ATL3: variants seen among roughly 807,000 people sequenced by gnomAD.
The protein encoded by ATL3 is atlastin GTPase 3, also known as atlastin-3.
In ATL3, 49 loss-of-function variants were observed where a neutral mutation model predicts 69.5. The ratio of observed to expected loss-of-function variants is 0.71; its 90% confidence interval spans 0.56 to 0.89. The LOEUF (loss-of-function observed/expected upper bound fraction) is 0.89. Among genes scored for constraint, ATL3 ranks in the 40% least tolerant of loss-of-function variants. The probability of loss-of-function intolerance (pLI) is 0.00; values close to 1 mark genes in which losing one functional copy is unlikely to be tolerated. For missense variants in ATL3, 606 were observed against 645.7 expected, an observed-to-expected ratio of 0.94 and a Z score of 0.67; for synonymous variants, 214 against 224.1, an observed-to-expected ratio of 0.95 and a Z score of 0.40.
intron 1 of ATL3, among the ~76,000 whole-genome samples, chr11:63,660,331 C>A (rs1241387927): frequency 2.0e-5 from 3 of 152,130 alleles, no homozygotes; most frequent in African/African-American, 7.2e-5. Context: ...ACTTCCATAT[C>A]ATTACTTAAC....
In ATL3 at chr11:63,652,098, C is replaced by A; in HGVS notation, c.511-112G>T. ...ACAATTAAAGACTTGCATATAAGAA[C>A]ATGAGGCCTGTTCAAACAGCAATAT... is the stretch of plus-strand genomic sequence containing the variant. On this transcript the variant is annotated intron_variant, in intron 4 of 12. Coordinates refer to ENST00000398868, the MANE Select transcript of ATL3 (RefSeq NM_015459.5). 4 of 1,470,986 alleles carry A rather than the reference C, an allele frequency of 2.7e-6. No homozygotes were observed. The South Asian group carries it at 5.6e-5, about 21-fold the overall frequency. The allele number at this position is 1,470,986 out of a possible 1,614,324, so 91.1% of individuals were successfully genotyped here. A position where few individuals can be genotyped will look rare whatever the true frequency, so the allele number is the denominator to read the frequency against.
chr11:63,636,199 A>AT lies in ATL3; in HGVS notation c.978+7dup, dbSNP rs528012262. Reference sequence around the variant, plus strand: ...TCAAACATTTTAATAACTAAAACCCATATTTACCTTAAAATACTCCAGTAG... The same window carrying AT: ...TCAAACATTTTAATAACTAAAACCCATTATTTACCTTAAAATACTCCAGTAG... On this transcript the variant is annotated splice_region_variant and intron_variant, in intron 9 of 12. Transcript: ENST00000398868. 15,366 of 1,610,820 alleles carry AT rather than the reference A, an allele frequency of 9.5e-3. 92 individuals carry two copies. The highest frequency in any genetic ancestry group is 0.012 in the Non-Finnish European group (13,836 of 1,179,086).
At chr11:63,652,104 G>C (rs923202598) in intron 4 of ATL3, 118 bp from the exon 5 acceptor site, 44 of 1,457,016 alleles carry the variant, frequency 3.0e-5, no homozygotes, top group Middle Eastern at 2.2e-4. Flanking sequence ...AGAACATGAG[G>C]CCTGTTCAAA....
chr11:63,656,915 C>T (rs1940269195), intron 3 of ATL3, among the ~76,000 whole-genome samples: 1 of 151,750 alleles, frequency 6.6e-6, no homozygotes, highest in African/African-American at 2.4e-5. Context: ...TCCAGCACTT[C>T]AAAATATCAA....
At chr11:63,651,785 C>T (rs909058868) in intron 5 of ATL3, 151 bp downstream of exon 5, 2 of 1,167,686 alleles carry the variant, frequency 1.7e-6, no homozygotes, top group Non-Finnish European at 2.2e-6. Context: ...CTCCACCCCA[C>T]CAATGGCTAT....
In ATL3 at chr11:63,659,248, A is replaced by G. The variant is rs766913798; in HGVS notation, c.51T>C (p.Asp17=). 1 of 1,613,882 alleles carries G rather than the reference A, an allele frequency of 6.2e-7. No individual in the cohort carries two copies. Among genetic ancestry groups the G allele is most frequent in the Non-Finnish European group, 8.5e-7 (1 of 1,179,766 alleles). ...GACCAGGCTTGCTGCTCTCCATGGC[A>G]TCATCTATGTTCATGCAGAGAAAAA... The part of the protein sequence containing the change: ...VAAAASRGAD[D]AMESSKPGPV... The change falls in exon 2 of 13, where the codon GAT becomes GAC. Residue 17 remains aspartate (D), a synonymous_variant. Transcript: ENST00000398868.
Position 63,634,185 on chromosome 11 carries a change from T to TAA in ATL3, c.1036-1090_1036-1089dup, listed in dbSNP as rs146288332. ...AACACAGCTAGATCCTGTTTCTATT[T>TAA]AAAAAAAAAAAAAAAAAAGAAGAAG... On this transcript the variant is annotated intron_variant, in intron 10 of 12. Coordinates refer to ENST00000398868, the MANE Select transcript of ATL3 (RefSeq NM_015459.5). Among the ~76,000 whole-genome samples, 757 of 113,634 alleles carry TAA rather than the reference T, an allele frequency of 6.7e-3. 9 individuals are homozygous for TAA. The highest frequency in any genetic ancestry group is 0.024 in the African/African-American group (689 of 29,284). 74.5% of individuals were successfully genotyped at this position (113,634 alleles called of 152,430 possible). A position where few individuals can be genotyped will look rare whatever the true frequency, so the allele number is the denominator to read the frequency against.
At chr11:63,669,103 G>A (rs979849324) in intron 1 of ATL3, among the ~76,000 whole-genome samples, 4 of 151,160 alleles carry the variant, frequency 2.6e-5, no homozygotes, top group African/African-American at 9.7e-5. Context: ...AAAATGCTGG[G>A]ATTACAGGAG....
chr11:63,671,745 C>T (rs1348682887), upstream of ATL3: 2 of 1,214,398 alleles, frequency 1.6e-6, no homozygotes, highest in Non-Finnish European at 2.1e-6. Flanking sequence ...CGGGGCTTGG[C>T]GTGGTTCTCC....
intron 10 of ATL3, among the ~76,000 whole-genome samples, chr11:63,634,595 C>T (rs989824750): frequency 3.3e-5 from 5 of 152,128 alleles, no homozygotes; most frequent in African/African-American, 1.2e-4. Flanking sequence ...TAAATCAACA[C>T]TTGGCAATAA....
chr11:63,632,462 T>C (rs1437365058), intron 11 of ATL3: 6 of 839,092 alleles, frequency 7.2e-6, no homozygotes, highest in Admixed American at 3.4e-5. Context: ...ACATCAAATA[T>C]TTGTAAAAGA....
intron 3 of ATL3, 86 bp from the exon 4 acceptor site, chr11:63,652,661 A>G: frequency 1.1e-6 from 1 of 895,464 alleles, no homozygotes; most frequent in Non-Finnish European, 1.7e-6. Flanking sequence ...CAGGTAATAT[A>G]TACTTAAGTA....
chr11:63,645,709 A>AC (rs1157933205), intron 6 of ATL3, among the ~76,000 whole-genome samples: 1 of 151,314 alleles, frequency 6.6e-6, no homozygotes, highest in Non-Finnish European at 1.5e-5. Flanking sequence ...TCCTACCTCA[A>AC]CCCCACCGAG....
At chr11:63,662,141 C>T (rs1001103534) in intron 1 of ATL3, among the ~76,000 whole-genome samples, 8 of 145,960 alleles carry the variant, frequency 5.5e-5, no homozygotes, top group African/African-American at 2.0e-4. Flanking sequence ...TGAACCTGCA[C>T]GGTGGAGGCT....
chr11:63,644,278 C>T lies in ATL3; in HGVS notation c.619-17G>A, dbSNP rs778956549. On this transcript the variant is annotated splice_polypyrimidine_tract_variant and intron_variant, in intron 6 of 12. Transcript: ENST00000398868. ...CATCAGTGTCTATTTAAGAAAAGAG[C>T]GGAACATATTTTAACATGCATAAAC... 9 of 1,502,348 alleles carry T rather than the reference C, an allele frequency of 6.0e-6. No individual in the cohort carries two copies. The highest frequency in any genetic ancestry group is 5.7e-5 in the South Asian group (5 of 87,092). 93.1% of individuals were successfully genotyped at this position (1,502,348 alleles called of 1,614,324 possible).
chr11:63,671,756 G>A, upstream of ATL3: 1 of 1,202,766 alleles, frequency 8.3e-7, no homozygotes, highest in Non-Finnish European at 1.1e-6. Context: ...GTGGTTCTCC[G>A]ACGACTGAAC....
rs1427689607 is a variant in ATL3 at position 63,652,651 on chromosome 11, CAGGTAAT to C, written c.406-83_406-77del. On this transcript the variant is annotated intron_variant, in intron 3 of 12. Transcript: ENST00000398868. The stretch of plus-strand genomic sequence containing the variant: ...ACCGTAAAGGAGAAATTGAAAAGTA[CAGGTAAT>C]ATATACTTAAGTACAGGTAATGTTT... 6.6e-6 allele frequency: 7 copies of C among 1,060,022 alleles called. 1 individual carries two copies. In the South Asian group the frequency reaches 9.9e-5, roughly 15 times the overall value. 65.7% of individuals were successfully genotyped at this position (1,060,022 alleles called of 1,614,324 possible).
intron 3 of ATL3, among the ~76,000 whole-genome samples, chr11:63,656,307 C>T (rs1940246095): frequency 6.6e-6 from 1 of 151,250 alleles, no homozygotes; most frequent in Non-Finnish European, 1.5e-5. Context: ...CAGACATACC[C>T]TATAAATATA....
intron 1 of ATL3, among the ~76,000 whole-genome samples, chr11:63,667,307 T>G (rs1043419845): frequency 6.6e-6 from 1 of 152,134 alleles, no homozygotes; most frequent in Non-Finnish European, 1.5e-5. Context: ...GTAGAAAATG[T>G]TGAAAATCTT....
Sources: gnomAD v4.1 joint callset for allele counts (sites outside exome capture counted in the v4.1 genomes callset) on GRCh38, gnomAD v4.1.1 for gene constraint, MANE v1.5 for transcripts, NCBI Gene and HGNC (gene_info 2026-07-23, HGNC 2026-07-21) for gene names.